Variants in PDZD2 observed in about 807,000 individuals in gnomAD.
PDZD2 encodes PDZ domain-containing protein 2.
PDZD2 carries 90 observed loss-of-function variants against 220.7 expected under a neutral mutation model. The ratio of observed to expected loss-of-function variants is 0.41; its 90% CI spans 0.34 to 0.49. The LOEUF (loss-of-function observed/expected upper bound fraction) is 0.49. PDZD2 is among the 20% of genes least tolerant of loss of function. The probability of loss-of-function intolerance (pLI) is 0.28; values close to 1 mark genes in which losing one functional copy is unlikely to be tolerated. For synonymous variants in PDZD2, 1,375 were observed against 1,450.5 expected (o/e 0.95, Z 1.18); for missense variants, 3,174 against 3,608.5 (o/e 0.88, Z 3.08).
intron 2 of PDZD2, among the ~76,000 whole-genome samples, chr5:31,879,046 T>A (rs1739608414): frequency 1.3e-5 from 2 of 152,004 alleles, no homozygotes; most frequent in Admixed American, 1.3e-4. Context: ...CACCCGTTTA[T>A]ATTCTAATTA....
intron 2 of PDZD2, among the ~76,000 whole-genome samples, chr5:31,891,009 C>T (rs1376403557): frequency 6.6e-6 from 1 of 152,180 alleles, no homozygotes; most frequent in Non-Finnish European, 1.5e-5. Context: ...CTTGCCGCAC[C>T]GTATCAACCA....
intron 2 of PDZD2, among the ~76,000 whole-genome samples, chr5:31,862,159 G>A (rs11747275): frequency 0.29 from 39,221 of 136,212 alleles, 6,144 homozygotes; most frequent in Middle Eastern, 0.44. Context: ...AGGCTGGAGT[G>A]CAGTGGCACA....
At chr5:31,735,621 G>A (rs1158314793) in intron 1 of PDZD2, among the ~76,000 whole-genome samples, 3 of 151,970 alleles carry the variant, frequency 2.0e-5, no homozygotes, top group Non-Finnish European at 2.9e-5. Flanking sequence ...CAAACATGGC[G>A]AAACCCCATC....
At chr5:31,766,802 T>G (rs907349573) in intron 1 of PDZD2, among the ~76,000 whole-genome samples, 1 of 151,512 alleles carries the variant, frequency 6.6e-6, no homozygotes, top group African/African-American at 2.4e-5. Context: ...GCATCTCAGC[T>G]CACTGCAACC....
At chr5:31,766,106 G>A (rs1751989400) in intron 1 of PDZD2, among the ~76,000 whole-genome samples, 1 of 152,188 alleles carries the variant, frequency 6.6e-6, no homozygotes, top group Non-Finnish European at 1.5e-5. Context: ...CCTGAGCCCA[G>A]GAGGCTGAGG....
At chr5:31,701,942 A>G (rs1376007054) in intron 1 of PDZD2, among the ~76,000 whole-genome samples, 1 of 152,238 alleles carries the variant, frequency 6.6e-6, no homozygotes, top group Non-Finnish European at 1.5e-5. Flanking sequence ...CACCTCAGAC[A>G]TCAGGATTTG....
At chr5:31,897,884 C>A (rs1204521040) in intron 2 of PDZD2, among the ~76,000 whole-genome samples, 7 of 152,040 alleles carry the variant, frequency 4.6e-5, no homozygotes, top group Admixed American at 4.6e-4. Context: ...TTACAGGTGC[C>A]TGCCATCACA....
At chr5:31,836,502 A>AT (rs1428316288) in intron 2 of PDZD2, among the ~76,000 whole-genome samples, 1 of 152,128 alleles carries the variant, frequency 6.6e-6, no homozygotes, top group East Asian at 1.9e-4. Context: ...TGCTAGGATT[A>AT]TAGGTGTGAG....
In PDZD2 at chr5:31,659,804, G is replaced by T. The variant is rs1745692090; in HGVS notation, c.-361+20367G>T. On this transcript the variant is annotated intron_variant, in intron 1 of 24. Transcript: ENST00000438447. ...CAACTGGTGTGGAGTGCCTTGGGAG[G>T]TTGTAAGTTTCCTTTTCCTGCGGCA... is the stretch of plus-strand genomic sequence containing the variant. Among the ~76,000 whole-genome samples the T allele has an allele frequency of 3.9e-5, 6 of 152,312 alleles. No individual in the cohort carries two copies. In the South Asian group the frequency reaches 1.2e-3, roughly 32 times the overall value.
chr5:31,945,215 C>T (rs1436315618), intron 2 of PDZD2, among the ~76,000 whole-genome samples: 5 of 152,126 alleles, frequency 3.3e-5, no homozygotes, highest in Admixed American at 2.6e-4. Context: ...CTTGGTCAAA[C>T]CACTTATGTC....
At chr5:32,034,985 TA>T (rs1451189750) in intron 6 of PDZD2, among the ~76,000 whole-genome samples, 1 of 152,224 alleles carries the variant, frequency 6.6e-6, no homozygotes, top group Non-Finnish European at 1.5e-5. Flanking sequence ...CCTGATAAGG[TA>T]ATATGAATGC....
chr5:31,900,517 G>A (rs998323637), intron 2 of PDZD2, among the ~76,000 whole-genome samples: 1 of 152,116 alleles, frequency 6.6e-6, no homozygotes, highest in Admixed American at 6.6e-5. Flanking sequence ...AGGGAAAAGG[G>A]GTCATGTCAA....
At chr5:31,908,326 T>C in intron 2 of PDZD2, 1 of 257,848 alleles carries the variant, frequency 3.9e-6, no homozygotes, top group Non-Finnish European at 7.3e-6. Context: ...GCAGCGCCAC[T>C]GGTCGTCTCC....
Position 32,000,133 on chromosome 5 carries a change from C to T in PDZD2, c.1122-6C>T. ...AGGGATCTTTTTCCCATCTCCCTTTCCTCAGGGATGGCAGGCTGTCCTTAG... is the reference window on the plus strand; with the variant it reads ...AGGGATCTTTTTCCCATCTCCCTTTTCTCAGGGATGGCAGGCTGTCCTTAG... On this transcript the variant is annotated splice_polypyrimidine_tract_variant and splice_region_variant and intron_variant, in intron 4 of 24. Transcript: ENST00000438447. The surrounding 1 kb of genome is among the most constrained non-coding windows in gnomAD (Gnocchi z 4.5). The T allele has an allele frequency of 1.2e-6, 2 of 1,613,886 alleles. No homozygotes were observed. Among genetic ancestry groups the T allele is most frequent in the Non-Finnish European group, 1.7e-6 (2 of 1,179,802 alleles).
rs768401500 is a variant in PDZD2 at position 32,101,168 on chromosome 5, G to A, written c.8282G>A (p.Gly2761Glu). 1.9e-6 allele frequency: 3 copies of A among 1,614,104 alleles called. No homozygotes were observed. The highest frequency in any genetic ancestry group is 2.5e-6 in the Non-Finnish European group (3 of 1,179,980). ...VEVLKTSAGL[G>E]LSLDGGKSSV... is the part of the protein sequence containing the mutation. ...GTGCTGAAGACCTCGGCTGGGCTGG[G>A]ACTGAGTCTGGATGGGGGAAAATCA... The change falls in exon 24 of 25, where the codon GGA becomes GAA. Residue 2761 changes from glycine to glutamate, a missense_variant. Coordinates refer to ENST00000438447, the MANE Select transcript of PDZD2 (RefSeq NM_178140.4).
intron 1 of PDZD2, among the ~76,000 whole-genome samples, chr5:31,758,051 C>T (rs1352544981): frequency 1.3e-5 from 2 of 152,238 alleles, no homozygotes; most frequent in Non-Finnish European, 2.9e-5. Flanking sequence ...CTGCCCAGGC[C>T]GGGGCTCATC....
At chr5:31,794,345 T>A (rs543311488) in intron 1 of PDZD2, among the ~76,000 whole-genome samples, 45 of 152,206 alleles carry the variant, frequency 3.0e-4, no homozygotes, top group African/African-American at 1.0e-3. Flanking sequence ...TCAACATTTG[T>A]TGAATGAATT....
At chr5:31,879,126 G>A (rs1739616713) in intron 2 of PDZD2, among the ~76,000 whole-genome samples, 3 of 151,404 alleles carry the variant, frequency 2.0e-5, no homozygotes, top group South Asian at 4.2e-4. Flanking sequence ...GGTGGCTCAC[G>A]TCTGTAATCC....
At chr5:31,865,338 G>A (rs1392651236) in intron 2 of PDZD2, among the ~76,000 whole-genome samples, 1 of 151,618 alleles carries the variant, frequency 6.6e-6, no homozygotes, top group African/African-American at 2.4e-5. Context: ...TTTGAGACAA[G>A]GTCTTGCTCT....
Sources: allele counts gnomAD v4.1 joint callset (sites outside exome capture counted in the v4.1 genomes callset), GRCh38; gene constraint gnomAD v4.1.1; non-coding constraint Gnocchi (gnomAD v3.1); transcripts MANE v1.5; gene names NCBI Gene and HGNC (gene_info 2026-07-23, HGNC 2026-07-21).